Variants in SASH1 observed in about 807,000 individuals in gnomAD.
SASH1 encodes the protein SAM and SH3 domain-containing protein 1.
In SASH1, 44 loss-of-function variants were observed where a neutral mutation model predicts 125.2. The observed-to-expected ratio is 0.35, with a 90% CI of 0.28 to 0.45. The LOEUF is 0.45. Among genes scored for constraint, SASH1 ranks in the 20% least tolerant of loss-of-function variants. The pLI is 1.00. For synonymous variants in SASH1, 639 were observed against 649.1 expected (o/e 0.98, Z 0.24); for missense variants, 1,426 against 1,614.5 (o/e 0.88, Z 2.00).
chr6:148,407,800 T>C (rs1276017414), intron 2 of SASH1, among the ~76,000 whole-genome samples: 1 of 152,026 alleles, frequency 6.6e-6, no homozygotes, highest in African/African-American at 2.4e-5. Flanking sequence ...ACCTGGCTAA[T>C]TTTTGTATTT....
chr6:148,211,576 G>GA, the SASH1 span, among the ~76,000 whole-genome samples: 4,802 of 138,976 alleles, frequency 0.035, 246 homozygotes, highest in African/African-American at 0.11. Flanking sequence ...ATCTCAAAGG[G>GA]AAAAAAAAAA....
At chr6:148,295,172 C>T (rs970262608) in intron 1 of SASH1, among the ~76,000 whole-genome samples, 13 of 152,012 alleles carry the variant, frequency 8.6e-5, no homozygotes, top group African/African-American at 1.7e-4. Flanking sequence ...ATGAAGTAAA[C>T]GAGTACCGGC....
At chr6:148,449,078 C>CTTTTTCTTT in intron 4 of SASH1, among the ~76,000 whole-genome samples, 24 of 88,626 alleles carry the variant, frequency 2.7e-4, no homozygotes, top group Non-Finnish European at 3.9e-4. Flanking sequence ...CATTTCATTT[C>CTTTTTCTTT]TTTTTTTTTT....
At chr6:148,291,002 T>G (rs1246006860) in intron 1 of SASH1, among the ~76,000 whole-genome samples, 3 of 151,200 alleles carry the variant, frequency 2.0e-5, no homozygotes, top group South Asian at 2.1e-4. Context: ...TTATCTTGTT[T>G]TTTTTTTTTT....
At position 148,422,654 on chromosome 6, in the gene SASH1, T is replaced by C. The variant is rs74332155; in HGVS notation, c.286-17530T>C. Among the ~76,000 whole-genome samples, 759 of 152,356 alleles carry C rather than the reference T, an allele frequency of 5.0e-3. 6 individuals are homozygous for C. The highest frequency in any genetic ancestry group is 0.017 in the African/African-American group (720 of 41,586). ...GGGTATTTTAAATTTCATTTGCTTT[T>C]GAACTAAGTTTCATAATTTATAGAG... On this transcript the variant is annotated intron_variant, in intron 2 of 19. Transcript: ENST00000367467.
chr6:148,426,460 G>C (rs1267509092), intron 2 of SASH1, among the ~76,000 whole-genome samples: 4 of 152,224 alleles, frequency 2.6e-5, no homozygotes, highest in Middle Eastern at 3.4e-3. Context: ...ACCATTTCCA[G>C]ACACCATTCT....
At chr6:148,260,772 T>C in the SASH1 span, among the ~76,000 whole-genome samples, 22 of 150,768 alleles carry the variant, frequency 1.5e-4, no homozygotes, top group Non-Finnish European at 2.7e-4. Context: ...ATCTGCATAA[T>C]GTTTGGTAAA....
rs78492107 is a variant in SASH1, at chr6:148,325,178, A to G, written n.74+52801A>G. On this transcript the variant is annotated intron_variant and non_coding_transcript_variant, in intron 1 of 3. Coordinates refer to the SASH1 transcript ENST00000367469. Reference sequence around the variant, plus strand: ...GGGGAGGCTCAGAAAACTTACAATCATTGCGGAAAGGGAAGGAAACACGTC... The same window carrying G: ...GGGGAGGCTCAGAAAACTTACAATCGTTGCGGAAAGGGAAGGAAACACGTC... Among the ~76,000 whole-genome samples, 612 of 152,264 alleles carry G rather than the reference A, an allele frequency of 4.0e-3. 35 individuals are homozygous for G. The East Asian group carries it at 0.098, about 24-fold the overall frequency.
the SASH1 span, among the ~76,000 whole-genome samples, chr6:148,250,001 G>A: frequency 1.4e-4 from 21 of 152,286 alleles, no homozygotes; most frequent in East Asian, 3.5e-3. Context: ...GTGAGTGAAT[G>A]AATCTTCACT....
At chr6:148,542,533 C>G (rs1442735582) in intron 17 of SASH1, among the ~76,000 whole-genome samples, 1 of 152,112 alleles carries the variant, frequency 6.6e-6, no homozygotes, top group African/African-American at 2.4e-5. Context: ...ACTACAGGCG[C>G]CTGCCACCAT....
the SASH1 span, chr6:148,237,508 T>A: frequency 6.6e-6 from 1 of 152,222 alleles, no homozygotes; most frequent in Non-Finnish European, 1.5e-5. Flanking sequence ...TATTCCATTT[T>A]TTTTGTCCTC....
At chr6:148,434,063 A>ATTT (rs758854072) in intron 2 of SASH1, among the ~76,000 whole-genome samples, 6 of 69,422 alleles carry the variant, frequency 8.6e-5, no homozygotes, top group Non-Finnish European at 1.3e-4. Flanking sequence ...GGAACTGGAG[A>ATTT]TTTTTTTTTT....
chr6:148,250,850 A>G, the SASH1 span, among the ~76,000 whole-genome samples: 1 of 152,166 alleles, frequency 6.6e-6, no homozygotes, highest in African/African-American at 2.4e-5. Flanking sequence ...GCATGGATAA[A>G]AGCTAAAATT....
chr6:148,222,733 C>T, the SASH1 span, among the ~76,000 whole-genome samples: 1 of 151,922 alleles, frequency 6.6e-6, no homozygotes, highest in South Asian at 2.1e-4. Context: ...TTTATTATTG[C>T]AAAGGGTTTT....
At chr6:148,513,225 G>T (rs989020800) in intron 8 of SASH1, 1 of 985,358 alleles carries the variant, frequency 1.0e-6, no homozygotes, top group African/African-American at 1.7e-5. Context: ...TTTTTGTTTT[G>T]TGTGTTCATT....
intron 6 of SASH1, among the ~76,000 whole-genome samples, chr6:148,473,440 G>T (rs1248243878): frequency 2.0e-5 from 3 of 152,086 alleles, no homozygotes; most frequent in Admixed American, 6.5e-5. Flanking sequence ...TTTTAGTGGA[G>T]ATGGGGTTTC....
In SASH1 at chr6:148,534,738, C is replaced by A; in HGVS notation, c.1945-13C>A. ...TGGCTGACACCCTTCTGTCTTCCTT[C>A]TCCCTCTCACAGGAGCACATGCCCA... On this transcript the variant is annotated splice_polypyrimidine_tract_variant and intron_variant, in intron 15 of 19. Transcript: ENST00000367467. The A allele has an allele frequency of 6.2e-7, 1 of 1,614,082 alleles. No homozygotes were observed.
the SASH1 span, among the ~76,000 whole-genome samples, chr6:148,207,360 G>C: frequency 6.6e-6 from 1 of 152,164 alleles, no homozygotes. Context: ...CATGTGGCTA[G>C]TGGCTACCAC....
the SASH1 span, among the ~76,000 whole-genome samples, chr6:148,238,412 C>T: frequency 5.7e-3 from 863 of 152,030 alleles, 7 homozygotes; most frequent in African/African-American, 0.02. Flanking sequence ...TTAGTAGAGA[C>T]AGAGTTTCAT....
Sources: gnomAD v4.1 joint callset for allele counts (sites outside exome capture counted in the v4.1 genomes callset) on GRCh38, gnomAD v4.1.1 for gene constraint, MANE v1.5 for transcripts, NCBI Gene and HGNC (gene_info 2026-07-23, HGNC 2026-07-21) for gene names.